KPNA4: variants seen among roughly 807,000 people sequenced by gnomAD.
KPNA4 encodes karyopherin subunit alpha 4.
A neutral mutation model predicts 71.3 loss-of-function variants in KPNA4; 13 were observed. The ratio of observed to expected loss-of-function variants is 0.18; its 90% CI spans 0.12 to 0.29. The LOEUF is 0.29. KPNA4 is among the 10% of genes least tolerant of loss of function. The pLI, the probability that KPNA4 is intolerant of heterozygous loss-of-function variation, is 1.00. For synonymous variants in KPNA4, 189 were observed against 195.2 expected, an observed-to-expected ratio of 0.97 and a Z score of 0.26; for missense variants, 334 against 603.2, an observed-to-expected ratio of 0.55 and a Z score of 4.67.
At chr3:160,562,469 T>C (rs1032736896) in intron 1 of KPNA4, among the ~76,000 whole-genome samples, 1 of 152,200 alleles carries the variant, frequency 6.6e-6, no homozygotes, top group Non-Finnish European at 1.5e-5. Flanking sequence ...AGTAACCATA[T>C]CTAAAGGGTG....
intron 10 of KPNA4, among the ~76,000 whole-genome samples, chr3:160,525,547 T>C (rs1721441513): frequency 1.3e-5 from 2 of 152,142 alleles, no homozygotes; most frequent in Non-Finnish European, 2.9e-5. Context: ...ATACATACAA[T>C]ATTGTCCACA....
At chr3:160,555,338 G>A (rs1393100138) in intron 1 of KPNA4, among the ~76,000 whole-genome samples, 1 of 152,146 alleles carries the variant, frequency 6.6e-6, no homozygotes, top group East Asian at 1.9e-4. Context: ...ACTTCTTTCA[G>A]GCAGTATAAT....
chr3:160,531,596 A>C (rs754562873), intron 5 of KPNA4, 39 bp from the exon 6 acceptor site: 1 of 981,982 alleles, frequency 1.0e-6, no homozygotes, highest in South Asian at 1.7e-5. Flanking sequence ...ACTTAATAAC[A>C]TACAATATTA....
intron 10 of KPNA4, among the ~76,000 whole-genome samples, chr3:160,525,448 TAA>T (rs1468770574): frequency 6.6e-6 from 1 of 152,148 alleles, no homozygotes; most frequent in Admixed American, 6.5e-5. Context: ...CAAGAACAAT[TAA>T]AGACATGATC....
rs376770480 is a variant in KPNA4, at chr3:160,519,657, C to A, written c.903+2122G>T. The stretch of plus-strand genomic sequence containing the variant: ...AAAAATACAAAAAATTAGCCGGGCG[C>A]GGTGGTGGGCGCCTGTAGTCCCAGC... On this transcript the variant is annotated intron_variant, in intron 11 of 16. Transcript: ENST00000334256. Among the ~76,000 whole-genome samples, 3 of 151,072 alleles carry A rather than the reference C, an allele frequency of 2.0e-5. No individual in the cohort carries two copies. In the East Asian group the frequency reaches 5.8e-4, roughly 29 times the overall value.
intron 13 of KPNA4, among the ~76,000 whole-genome samples, chr3:160,511,729 T>A (rs550743200): frequency 2.7e-5 from 4 of 149,598 alleles, no homozygotes; most frequent in African/African-American, 9.7e-5. Context: ...TATATATATA[T>A]AAATATATTT....
chr3:160,519,462 G>T (rs1721297763), intron 11 of KPNA4, among the ~76,000 whole-genome samples: 2 of 152,082 alleles, frequency 1.3e-5, no homozygotes, highest in African/African-American at 4.8e-5. Flanking sequence ...TTAACATTAA[G>T]GTTTTAAAAA....
chr3:160,516,400 A>C (rs922718152), intron 11 of KPNA4, among the ~76,000 whole-genome samples: 3 of 151,774 alleles, frequency 2.0e-5, no homozygotes, highest in African/African-American at 7.3e-5. Context: ...TTATTGTAAG[A>C]GAGGAGTCAA....
chr3:160,560,898 T>C (rs1227923915), intron 1 of KPNA4, among the ~76,000 whole-genome samples: 1 of 152,086 alleles, frequency 6.6e-6, no homozygotes, highest in African/African-American at 2.4e-5. Flanking sequence ...ATAGTAAATA[T>C]GTTCCAAGAT....
At chr3:160,538,719 C>T (rs1347344655) in intron 1 of KPNA4, among the ~76,000 whole-genome samples, 1 of 152,124 alleles carries the variant, frequency 6.6e-6, no homozygotes, top group East Asian at 1.9e-4. Flanking sequence ...TGGACCTTAG[C>T]TCCTACCATT....
chr3:160,551,051 T>A (rs2108559340), intron 1 of KPNA4, among the ~76,000 whole-genome samples: 1 of 138,778 alleles, frequency 7.2e-6, no homozygotes, highest in African/African-American at 2.6e-5. Context: ...TTTGAAAGAG[T>A]CTGAGCAGGA....
chr3:160,525,938 C>A lies in KPNA4; in HGVS notation c.726G>T (p.Glu242Asp). 1.3e-6 allele frequency: 2 copies of A among 1,557,358 alleles called. No individual in the cohort carries two copies. The highest frequency in any genetic ancestry group is 1.7e-6 in the Non-Finnish European group (2 of 1,156,096). The change falls in exon 9 of 17, where the codon GAG (glutamate) becomes GAT (aspartate). Residue 242 changes from glutamate to aspartate, a missense_variant and splice_region_variant. Glu to Asp is a conservative substitution (Grantham distance 45, BLOSUM62 2). Transcript: ENST00000334256. ...TTAATTTTTTTTTAAAAGTGTTTAC[C>A]TCCTGAATGGTTTCCATTGGTGGTG... ...DPPPPMETIQ[E>D]ILPALCVLIH... is the part of the protein sequence containing the mutation.
Position 160,500,923 on chromosome 3 carries a change from C to CT in KPNA4, c.*1180dup, listed in dbSNP as rs1720864681. ...GCACGGTATTCTACCACAACTGAAA[C>CT]TTTTTTCTTCTTCTTCTTTACAGGA... On this transcript the variant is annotated 3_prime_UTR_variant, in exon 17 of 17. Transcript: ENST00000334256. 1 of 152,522 alleles carries CT rather than the reference C, an allele frequency of 6.6e-6. No homozygotes were observed. The highest frequency in any genetic ancestry group is 2.4e-5 in the African/African-American group (1 of 41,438). The allele number at this position is 152,522 out of a possible 1,614,324, so 9.4% of individuals were successfully genotyped here.
intron 14 of KPNA4, among the ~76,000 whole-genome samples, chr3:160,508,609 T>C (rs1387259382): frequency 1.3e-5 from 2 of 151,788 alleles, no homozygotes; most frequent in Non-Finnish European, 2.9e-5. Context: ...ATGGAGGCTG[T>C]ATGCTATTTT....
Position 160,565,317 on chromosome 3 carries a change from C to T in KPNA4, c.-35G>A. ...GGTGACTCCTTCCCCCGCCCGGGCC[C>T]CGCGGGATCCGCCCCAACCAACGCG... is the stretch of plus-strand genomic sequence containing the variant. On this transcript the variant is annotated 5_prime_UTR_variant, in exon 1 of 17. Transcript: ENST00000334256. 6.5e-7 allele frequency: 1 copy of T among 1,531,262 alleles called. No individual in the cohort carries two copies. The allele number at this position is 1,531,262 out of a possible 1,614,324, so 94.9% of individuals were successfully genotyped here.
chr3:160,559,415 G>C (rs141440782), intron 1 of KPNA4, among the ~76,000 whole-genome samples: 1 of 152,060 alleles, frequency 6.6e-6, no homozygotes, highest in Non-Finnish European at 1.5e-5. Context: ...ATTTTTTATT[G>C]AATAAAATAT....
intron 14 of KPNA4, among the ~76,000 whole-genome samples, chr3:160,508,662 T>C (rs1464001011): frequency 6.6e-6 from 1 of 152,058 alleles, no homozygotes; most frequent in Non-Finnish European, 1.5e-5. Flanking sequence ...AGATGGGGTC[T>C]CACTATGTTG....
chr3:160,551,523 C>CAAGCAAATACAGA (rs1722039876), intron 1 of KPNA4, among the ~76,000 whole-genome samples: 1 of 152,066 alleles, frequency 6.6e-6, no homozygotes, highest in South Asian at 2.1e-4. Context: ...AGAGACCCAA[C>CAAGCAAATACAGA]AAAAGCAAAT....
At chr3:160,508,751 CCCAAGAGAT>C (rs1006933202) in intron 14 of KPNA4, among the ~76,000 whole-genome samples, 11 of 152,040 alleles carry the variant, frequency 7.2e-5, no homozygotes, top group African/African-American at 2.7e-4. Flanking sequence ...AACTCCTGAA[CCCAAGAGAT>C]CCTCCTGCCT....
Sources: gnomAD v4.1 joint callset for allele counts (sites outside exome capture counted in the v4.1 genomes callset) on GRCh38, gnomAD v4.1.1 for gene constraint, MANE v1.5 for transcripts, NCBI Gene and HGNC (gene_info 2026-07-23, HGNC 2026-07-21) for gene names.